Variants in NXPE2 observed in about 807,000 individuals in gnomAD.
NXPE2 encodes neurexophilin and PC-esterase domain family member 2.
Under a neutral mutation model 34.4 loss-of-function variants are expected in NXPE2, and 34 were observed. The ratio of observed to expected loss-of-function variants is 0.99; its 90% CI spans 0.75 to 1.31. The LOEUF is 1.31. Among genes scored for constraint, NXPE2 ranks in the 40% most tolerant of loss-of-function variants. The pLI, the probability that NXPE2 is intolerant of heterozygous loss-of-function variation, is 0.00. For missense variants in NXPE2, 649 were observed against 672.5 expected, an observed-to-expected ratio of 0.97 and a Z score of 0.39; for synonymous variants, 235 against 231.3, an observed-to-expected ratio of 1.02 and a Z score of -0.15.
the NXPE2 span, among the ~76,000 whole-genome samples, chr11:114,732,590 A>G: frequency 6.2e-4 from 94 of 152,300 alleles, no homozygotes; most frequent in Non-Finnish European, 1.2e-3. Context: ...TATCTTGATC[A>G]GTGTTCACTA....
chr11:114,798,966 G>T, the NXPE2 span, among the ~76,000 whole-genome samples: 1 of 152,158 alleles, frequency 6.6e-6, no homozygotes, highest in African/African-American at 2.4e-5. Context: ...CGTATAGCAG[G>T]CGTGGACTCC....
chr11:114,539,336 T>G, the NXPE2 span, among the ~76,000 whole-genome samples: 1 of 151,868 alleles, frequency 6.6e-6, no homozygotes, highest in African/African-American at 2.4e-5. Context: ...TATTGCTAAA[T>G]GACGAGTTAA....
chr11:114,477,746 G>C, the NXPE2 span, among the ~76,000 whole-genome samples: 201 of 151,500 alleles, frequency 1.3e-3, 2 homozygotes, highest in African/African-American at 4.6e-3. Context: ...TAAAATTCTA[G>C]AACATGAAAA....
chr11:114,621,708 G>A, the NXPE2 span, among the ~76,000 whole-genome samples: 1 of 152,104 alleles, frequency 6.6e-6, no homozygotes, highest in African/African-American at 2.4e-5. Flanking sequence ...GTTACTCAGT[G>A]GATCATAATG....
At chr11:114,745,129 G>C in the NXPE2 span, among the ~76,000 whole-genome samples, 2 of 152,148 alleles carry the variant, frequency 1.3e-5, no homozygotes, top group Admixed American at 1.3e-4. Context: ...ATGTATATTA[G>C]AGAAAATAAG....
At chr11:114,685,932 T>G (rs1951037534) in intron 2 of NXPE2, among the ~76,000 whole-genome samples, 1 of 151,612 alleles carries the variant, frequency 6.6e-6, no homozygotes, top group African/African-American at 2.4e-5. Context: ...TGGGAGAGGG[T>G]GAGGGAAAAG....
At chr11:114,623,446 C>A in the NXPE2 span, among the ~76,000 whole-genome samples, 3 of 152,180 alleles carry the variant, frequency 2.0e-5, no homozygotes, top group Admixed American at 2.0e-4. Context: ...TCATGGGTAA[C>A]CACTGTTATC....
At chr11:114,795,603 G>A in the NXPE2 span, among the ~76,000 whole-genome samples, 1 of 152,142 alleles carries the variant, frequency 6.6e-6, no homozygotes, top group Non-Finnish European at 1.5e-5. Flanking sequence ...ATCCTGGAGA[G>A]ACTCCACCCT....
chr11:114,648,556 G>A, the NXPE2 span, among the ~76,000 whole-genome samples: 1 of 152,082 alleles, frequency 6.6e-6, no homozygotes, highest in Non-Finnish European at 1.5e-5. Context: ...AACACCCAGA[G>A]TAATGATTAT....
chr11:114,798,966 G>A, the NXPE2 span, among the ~76,000 whole-genome samples: 6,326 of 152,262 alleles, frequency 0.042, 150 homozygotes, highest in East Asian at 0.13. Context: ...CGTATAGCAG[G>A]CGTGGACTCC....
intron 1 of NXPE2, 58 bp from the exon 2 acceptor site, chr11:114,679,599 G>A (rs566245751): frequency 1.3e-5 from 14 of 1,079,390 alleles, no homozygotes; most frequent in African/African-American, 6.3e-5. Flanking sequence ...CAAAGTGTAC[G>A]GAGCCATGTC....
At chr11:114,671,553 A>G in the NXPE2 span, among the ~76,000 whole-genome samples, 1 of 152,058 alleles carries the variant, frequency 6.6e-6, no homozygotes, top group African/African-American at 2.4e-5. Flanking sequence ...AAAATAATTT[A>G]TAACATACCA....
chr11:114,494,619 A>AT, the NXPE2 span, among the ~76,000 whole-genome samples: 9 of 151,760 alleles, frequency 5.9e-5, no homozygotes, highest in African/African-American at 1.9e-4. Context: ...GTTATCCTGG[A>AT]TTTTGTTGAG....
the NXPE2 span, among the ~76,000 whole-genome samples, chr11:114,804,717 G>A: frequency 1.3e-5 from 2 of 152,170 alleles, no homozygotes; most frequent in African/African-American, 4.8e-5. Flanking sequence ...GAAAATTACT[G>A]AGTGAGTTGC....
the NXPE2 span, among the ~76,000 whole-genome samples, chr11:114,775,659 C>T: frequency 1.3e-5 from 2 of 152,164 alleles, no homozygotes; most frequent in African/African-American, 2.4e-5. Context: ...AACTGAAAGC[C>T]TCCCTTCCTG....
chr11:114,610,118 C>A, the NXPE2 span, among the ~76,000 whole-genome samples: 4 of 151,470 alleles, frequency 2.6e-5, no homozygotes, highest in African/African-American at 7.3e-5. Flanking sequence ...TTGTGGGTAA[C>A]CCGTTACCCC....
the NXPE2 span, among the ~76,000 whole-genome samples, chr11:114,739,902 A>G: frequency 1.3e-5 from 2 of 152,210 alleles, no homozygotes; most frequent in East Asian, 3.9e-4. Flanking sequence ...CACGTTGTCA[A>G]AAATGGCAGG....
the NXPE2 span, among the ~76,000 whole-genome samples, chr11:114,517,379 C>CTAT: frequency 1.3e-5 from 2 of 152,198 alleles, no homozygotes; most frequent in Non-Finnish European, 2.9e-5. Context: ...ATTATTCTCA[C>CTAT]TATAAACACA....
chr11:114,558,809 C>T, the NXPE2 span, among the ~76,000 whole-genome samples: 2 of 152,128 alleles, frequency 1.3e-5, no homozygotes, highest in Admixed American at 1.3e-4. Context: ...TGCCCTATGT[C>T]CAAGCAATTC....
Sources: gnomAD v4.1 joint callset for allele counts (sites outside exome capture counted in the v4.1 genomes callset) on GRCh38, gnomAD v4.1.1 for gene constraint, MANE v1.5 for transcripts, NCBI Gene and HGNC (gene_info 2026-07-23, HGNC 2026-07-21) for gene names.